Variants in TRAPPC9 observed in about 807,000 individuals in gnomAD.
The protein encoded by TRAPPC9 is trafficking protein particle complex subunit 9.
TRAPPC9 carries 83 observed loss-of-function variants against 124.0 expected under a neutral mutation model. The ratio of observed to expected loss-of-function variants is 0.67; its 90% CI spans 0.56 to 0.80. The LOEUF (loss-of-function observed/expected upper bound fraction) is 0.80. TRAPPC9 is among the 30% of genes least tolerant of loss of function. The pLI, the probability that TRAPPC9 is intolerant of heterozygous loss-of-function variation, is 0.00. For synonymous variants in TRAPPC9, 638 were observed against 617.5 expected (o/e 1.03, Z -0.49); for missense variants, 1,302 against 1,508.3 (o/e 0.86, Z 2.27).
At chr8:139,731,486 T>C (rs1035140432) in intron 22 of TRAPPC9, among the ~76,000 whole-genome samples, 3 of 151,596 alleles carry the variant, frequency 2.0e-5, no homozygotes, top group Non-Finnish European at 4.4e-5. Flanking sequence ...GTCAGGAGTG[T>C]GGGAGGGAGT....
intron 7 of TRAPPC9, among the ~76,000 whole-genome samples, chr8:140,381,258 T>C (rs1387384096): frequency 2.1e-5 from 3 of 144,860 alleles, no homozygotes; most frequent in South Asian, 4.4e-4. Flanking sequence ...GAAATGACAA[T>C]AACAAAATGG....
At chr8:140,284,298 T>C (rs1437211908) in intron 13 of TRAPPC9, among the ~76,000 whole-genome samples, 2 of 152,262 alleles carry the variant, frequency 1.3e-5, no homozygotes, top group African/African-American at 4.8e-5. Flanking sequence ...TTGTAAACTA[T>C]AAATATCTAC....
At chr8:139,864,615 A>G (rs571989350) in intron 21 of TRAPPC9, among the ~76,000 whole-genome samples, 12 of 152,252 alleles carry the variant, frequency 7.9e-5, no homozygotes, top group African/African-American at 2.9e-4. Flanking sequence ...ATCTCTGTAA[A>G]TGACAGTAGC....
chr8:140,300,409 G>GAAAAGCC, intron 11 of TRAPPC9, 60 bp downstream of exon 11: 2 of 1,611,512 alleles, frequency 1.2e-6, no homozygotes, highest in Non-Finnish European at 1.7e-6. Flanking sequence ...TAAAAATCTA[G>GAAAAGCC]AAAAGCCATT....
At chr8:140,258,873 C>A (rs1327884764) in intron 15 of TRAPPC9, among the ~76,000 whole-genome samples, 1 of 152,196 alleles carries the variant, frequency 6.6e-6, no homozygotes, top group Non-Finnish European at 1.5e-5. Flanking sequence ...CTGCAGGGGT[C>A]CTGGCCAACC....
chr8:139,919,725 G>T (rs1832387700), intron 19 of TRAPPC9, among the ~76,000 whole-genome samples: 1 of 152,178 alleles, frequency 6.6e-6, no homozygotes. Flanking sequence ...TCCTTACCTT[G>T]GTTGTGTCAG....
chr8:140,353,732 A>C lies in TRAPPC9; in HGVS notation c.1495+6318T>G, dbSNP rs1172057376. Among the ~76,000 whole-genome samples the C allele has an allele frequency of 6.6e-6, 1 of 152,236 alleles. No homozygotes were observed. The highest frequency in any genetic ancestry group is 1.5e-5 in the Non-Finnish European group (1 of 68,052). On this transcript the variant is annotated intron_variant, in intron 9 of 22. Transcript: ENST00000438773. This position sits in a 1 kb window ranked among gnomAD's most constrained non-coding sequence, Gnocchi z 4.2. ...CCACAGCAGGATCTTTAAAATTGCC[A>C]GTTAGAAGAAATATCCATTTGGTAG...
chr8:140,393,657 A>G (rs2068998489), intron 7 of TRAPPC9, among the ~76,000 whole-genome samples: 1 of 152,208 alleles, frequency 6.6e-6, no homozygotes, highest in African/African-American at 2.4e-5. Flanking sequence ...TTAAAGCAGA[A>G]GGAACCTGCA....
intron 6 of TRAPPC9, among the ~76,000 whole-genome samples, chr8:140,402,653 G>T (rs530014892): frequency 6.6e-6 from 1 of 151,158 alleles, no homozygotes; most frequent in Admixed American, 6.6e-5. Context: ...CCGTGATCAC[G>T]CCACTGCACT....
At chr8:139,887,812 G>A (rs1224341220) in intron 20 of TRAPPC9, among the ~76,000 whole-genome samples, 1 of 152,178 alleles carries the variant, frequency 6.6e-6, no homozygotes, top group Non-Finnish European at 1.5e-5. Flanking sequence ...TGGTCTTAGG[G>A]CCTAGAACAG....
chr8:140,033,658 G>GTTTTTTTTTTTTTTTTTTTGTTTTTTTT (rs1840652480), intron 17 of TRAPPC9, among the ~76,000 whole-genome samples: 9 of 42,366 alleles, frequency 2.1e-4, no homozygotes, highest in Non-Finnish European at 4.4e-4. Context: ...TCATAATGTG[G>GTTTTTTTTTTTTTTTTTTTGTTTTTTTT]TTTTTTTTTT....
In TRAPPC9 at chr8:140,144,306, T is replaced by G. The variant is rs138643511; in HGVS notation, c.2556+77153A>C. On this transcript the variant is annotated intron_variant, in intron 17 of 22. Transcript: ENST00000438773. ...ATCTTCAAAATATTGAGTCTTCTAA[T>G]CCATGAATATGGTATATTTTGCTAT... is the stretch of plus-strand genomic sequence containing the variant. 7.5e-4 allele frequency among the ~76,000 whole-genome samples: 115 copies of G among 152,376 alleles called. 1 individual carries two copies. The East Asian group carries it at 0.02, about 27-fold the overall frequency.
intron 15 of TRAPPC9, among the ~76,000 whole-genome samples, chr8:140,264,212 C>T (rs901940171): frequency 1.3e-5 from 2 of 152,162 alleles, no homozygotes; most frequent in African/African-American, 2.4e-5. Flanking sequence ...CCGAACCCCT[C>T]GGGTCCTGAG....
chr8:140,136,467 T>C (rs1029740582), intron 17 of TRAPPC9, among the ~76,000 whole-genome samples: 2 of 152,156 alleles, frequency 1.3e-5, no homozygotes, highest in African/African-American at 2.4e-5. Flanking sequence ...TACCTACCCA[T>C]GGGCAAGGAA....
At chr8:140,054,229 T>C (rs1046658929) in intron 17 of TRAPPC9, among the ~76,000 whole-genome samples, 1 of 152,196 alleles carries the variant, frequency 6.6e-6, no homozygotes, top group African/African-American at 2.4e-5. Context: ...TGTTGACCAT[T>C]TGGGTTATGG....
At chr8:140,145,710 T>C (rs953451723) in intron 17 of TRAPPC9, among the ~76,000 whole-genome samples, 8 of 152,066 alleles carry the variant, frequency 5.3e-5, no homozygotes, top group African/African-American at 1.9e-4. Context: ...GGTTTTTGTT[T>C]TTGTTTTTGT....
chr8:140,233,063 G>GA (rs1297078648), intron 16 of TRAPPC9, among the ~76,000 whole-genome samples: 1 of 152,168 alleles, frequency 6.6e-6, no homozygotes, highest in African/African-American at 2.4e-5. Context: ...ACAGTCAGCC[G>GA]AATCAAAGAA....
At position 140,436,669 on chromosome 8, in the gene TRAPPC9, G is replaced by A. The variant is rs551033135; in HGVS notation, c.731-1429C>T. ...AGGAGCCCTCCTCATCCAGTCCAGC[G>A]CCGCATGGGGAAGGCATATGGGCAG... is the stretch of plus-strand genomic sequence containing the variant. On this transcript the variant is annotated intron_variant, in intron 3 of 22. Transcript: ENST00000438773. 2.2e-4 allele frequency among the ~76,000 whole-genome samples: 33 copies of A among 152,236 alleles called. No individual in the cohort carries two copies. The East Asian group carries it at 2.5e-3, about 12-fold the overall frequency.
chr8:139,786,034 C>T (rs1302554571), intron 21 of TRAPPC9, among the ~76,000 whole-genome samples: 1 of 151,950 alleles, frequency 6.6e-6, no homozygotes, highest in Non-Finnish European at 1.5e-5. Flanking sequence ...TGGTGAAACC[C>T]CGTCTCTATT....
Sources: gnomAD v4.1 joint callset for allele counts (sites outside exome capture counted in the v4.1 genomes callset) on GRCh38, gnomAD v4.1.1 for gene constraint, Gnocchi (gnomAD v3.1) non-coding constraint, MANE v1.5 for transcripts, NCBI Gene and HGNC (gene_info 2026-07-23, HGNC 2026-07-21) for gene names.